The following AXIN1 variants were observed in gnomAD, a reference collection of about 807,000 sequenced individuals.
The protein encoded by AXIN1 is axin 1.
Under a neutral mutation model 76.4 loss-of-function variants are expected in AXIN1, and 30 were observed. The observed-to-expected ratio is 0.39, with a 90% CI of 0.29 to 0.53. The LOEUF is 0.53. AXIN1 is among the 20% of genes least tolerant of loss of function. The probability of loss-of-function intolerance (pLI) is 0.66; values close to 1 mark genes in which losing one functional copy is unlikely to be tolerated. For synonymous variants in AXIN1, 545 were observed against 501.4 expected (o/e 1.09, Z -1.16); for missense variants, 1,140 against 1,198.8 (o/e 0.95, Z 0.72).
At position 297,715 on chromosome 16, in the gene AXIN1, C is replaced by T. The variant is rs376345857; in HGVS notation, c.1784+7G>A. 71 of 1,594,754 alleles carry T rather than the reference C, an allele frequency of 4.5e-5. No individual in the cohort carries two copies. Among genetic ancestry groups the T allele is most frequent in the Non-Finnish European group, 5.8e-5 (68 of 1,175,046 alleles). On this transcript the variant is annotated splice_region_variant and intron_variant, in intron 6 of 10. Transcript: ENST00000262320. ...AGCCCCCTCCTCACTGACAGGCGCA[C>T]GCTCACCTGTGGGCGAGGCCATCAC...
intron 2 of AXIN1, among the ~76,000 whole-genome samples, chr16:319,848 G>C (rs1029055066): frequency 6.6e-6 from 1 of 152,160 alleles, no homozygotes; most frequent in Non-Finnish European, 1.5e-5. Flanking sequence ...TGTCTGGTCC[G>C]GTTACATTTA....
chr16:338,043 C>T lies in AXIN1; in HGVS notation c.878+8105G>A, dbSNP rs540443097. Among the ~76,000 whole-genome samples the T allele has an allele frequency of 7.9e-5, 12 of 152,296 alleles. No individual in the cohort carries two copies. In the East Asian group the frequency reaches 1.5e-3, roughly 20 times the overall value. ...TGAGGTGAAGCTGCTTCCCTCCACA[C>T]GCACAAGTAGGCAGCGGAGGGGCCC... On this transcript the variant is annotated intron_variant, in intron 2 of 10. Coordinates refer to ENST00000262320, the MANE Select transcript of AXIN1 (RefSeq NM_003502.4).
At chr16:312,238 A>G (rs892302226) in intron 3 of AXIN1, among the ~76,000 whole-genome samples, 1 of 152,200 alleles carries the variant, frequency 6.6e-6, no homozygotes. Context: ...AGCTGAGGGC[A>G]GCTGCCCCAC....
At chr16:337,983 G>C (rs2053841919) in intron 2 of AXIN1, among the ~76,000 whole-genome samples, 1 of 152,206 alleles carries the variant, frequency 6.6e-6, no homozygotes, top group Non-Finnish European at 1.5e-5. Context: ...AGAACCCTGA[G>C]TGGTTATTCT....
At chr16:337,264 C>T (rs1219755910) in intron 2 of AXIN1, among the ~76,000 whole-genome samples, 1 of 146,220 alleles carries the variant, frequency 6.8e-6, no homozygotes, top group Admixed American at 6.9e-5. Flanking sequence ...TAATAATATA[C>T]TTTCTAATTA....
intron 4 of AXIN1, among the ~76,000 whole-genome samples, chr16:307,250 G>A (rs1001923244): frequency 1.3e-5 from 2 of 152,170 alleles, no homozygotes; most frequent in Non-Finnish European, 2.9e-5. Context: ...ATGCCGCCAC[G>A]CGAGCTCCAT....
chr16:287,553 C>A lies in AXIN1; in HGVS notation c.*569G>T. On this transcript the variant is annotated 3_prime_UTR_variant, in exon 11 of 11. Coordinates refer to ENST00000262320, the MANE Select transcript of AXIN1 (RefSeq NM_003502.4). ...ACTCGGGCAGCCCCTGCTGGCCTAG[C>A]CTGAGAAATGTACATATTTACACGG... The A allele has an allele frequency of 3.2e-6, 1 of 316,424 alleles. No individual in the cohort carries two copies. Among genetic ancestry groups the A allele is most frequent in the Non-Finnish European group, 5.9e-6 (1 of 170,294 alleles). The allele number at this position is 316,424 out of a possible 1,614,324, so 19.6% of individuals were successfully genotyped here.
intron 3 of AXIN1, among the ~76,000 whole-genome samples, chr16:311,281 C>T (rs1283610577): frequency 1.3e-5 from 2 of 151,866 alleles, no homozygotes; most frequent in African/African-American, 4.8e-5. Flanking sequence ...CCGCCTGCCT[C>T]GGCCTCCCAA....
chr16:294,981 A>G (rs970509277), intron 7 of AXIN1, among the ~76,000 whole-genome samples: 6 of 146,392 alleles, frequency 4.1e-5, no homozygotes, highest in South Asian at 2.2e-4. Flanking sequence ...GGAGAATGGC[A>G]TGAACCCGGG....
At chr16:351,091 C>A (rs1326166737) in intron 1 of AXIN1, among the ~76,000 whole-genome samples, 1 of 148,442 alleles carries the variant, frequency 6.7e-6, no homozygotes, top group African/African-American at 2.5e-5. Context: ...GAGATCACGC[C>A]ATTGGACTCC....
At chr16:288,937 T>C (rs2052471268) in intron 10 of AXIN1, among the ~76,000 whole-genome samples, 1 of 152,202 alleles carries the variant, frequency 6.6e-6, no homozygotes, top group African/African-American at 2.4e-5. Flanking sequence ...ACCCCGAAGA[T>C]GAGGGCCCTG....
intron 3 of AXIN1, among the ~76,000 whole-genome samples, chr16:310,599 G>C (rs2053152074): frequency 6.6e-6 from 1 of 152,214 alleles, no homozygotes; most frequent in South Asian, 2.1e-4. Context: ...GGGTTTCACT[G>C]TGTTAGCCAG....
intron 4 of AXIN1, 87 bp downstream of exon 4, chr16:309,886 G>T (rs2053128222): frequency 2.9e-6 from 4 of 1,358,892 alleles, no homozygotes; most frequent in Non-Finnish European, 4.2e-6. Context: ...TGGGAGGCCA[G>T]GCAAGTGCCT....
intron 2 of AXIN1, among the ~76,000 whole-genome samples, chr16:326,405 A>G (rs2053585840): frequency 6.8e-6 from 1 of 146,840 alleles, no homozygotes; most frequent in Non-Finnish European, 1.5e-5. Flanking sequence ...ACACACCTAT[A>G]GATAAATAAC....
At chr16:341,133 G>A (rs2053909858) in intron 2 of AXIN1, among the ~76,000 whole-genome samples, 1 of 152,276 alleles carries the variant, frequency 6.6e-6, no homozygotes, top group Admixed American at 6.5e-5. Flanking sequence ...CTCGCTCTCA[G>A]CGCCTCCTCT....
chr16:350,561 T>C (rs1022351723), intron 1 of AXIN1, among the ~76,000 whole-genome samples: 2 of 152,214 alleles, frequency 1.3e-5, no homozygotes, highest in East Asian at 3.8e-4. Context: ...ACGTAACTTT[T>C]GACATTTTGA....
intron 5 of AXIN1, among the ~76,000 whole-genome samples, chr16:303,011 G>A (rs1159467284): frequency 6.6e-6 from 1 of 152,164 alleles, no homozygotes; most frequent in Non-Finnish European, 1.5e-5. Context: ...ACAGGTGTGT[G>A]CCACCACGCC....
intron 2 of AXIN1, among the ~76,000 whole-genome samples, chr16:344,868 G>C (rs912894890): frequency 2.6e-5 from 4 of 152,168 alleles, no homozygotes; most frequent in African/African-American, 9.7e-5. Flanking sequence ...TGAGCGAGTA[G>C]CCAATTTCTG....
intron 5 of AXIN1, among the ~76,000 whole-genome samples, chr16:300,285 G>A (rs748239636): frequency 1.3e-5 from 2 of 151,390 alleles, no homozygotes; most frequent in Non-Finnish European, 2.9e-5. Flanking sequence ...ACCTCCAGGG[G>A]TCAAGCGATC....
Sources: gnomAD v4.1 joint callset for allele counts (sites outside exome capture counted in the v4.1 genomes callset) on GRCh38, gnomAD v4.1.1 for gene constraint, MANE v1.5 for transcripts, NCBI Gene and HGNC (gene_info 2026-07-23, HGNC 2026-07-21) for gene names.